LNPEP: variants seen among roughly 807,000 people sequenced by gnomAD.
LNPEP encodes leucyl-cystinyl aminopeptidase.
Under a neutral mutation model 120.6 loss-of-function variants are expected in LNPEP, and 64 were observed. That is an observed-to-expected ratio of 0.53 (90% confidence interval 0.43 to 0.65). The LOEUF (loss-of-function observed/expected upper bound fraction) is 0.65, where lower values mean the gene tolerates loss of function less well. LNPEP is among the 30% of genes least tolerant of loss of function. The pLI is 0.00. For synonymous variants in LNPEP, 435 were observed against 425.4 expected (o/e 1.02, Z -0.28); for missense variants, 1,057 against 1,200.0 (o/e 0.88, Z 1.76).
intron 4 of LNPEP, among the ~76,000 whole-genome samples, chr5:96,988,334 C>CTTTTTTTTTT (rs1293064236): frequency 8.7e-6 from 1 of 115,478 alleles, no homozygotes; most frequent in Non-Finnish European, 1.9e-5. Flanking sequence ...TTTTCTTTTT[C>CTTTTTTTTTT]TTTTCTTTTT....
chr5:96,972,746 A>T (rs973419712), intron 1 of LNPEP, among the ~76,000 whole-genome samples: 74 of 152,042 alleles, frequency 4.9e-4, no homozygotes, highest in African/African-American at 1.6e-3. Context: ...GAGGAATGAT[A>T]ATCTGGTACC....
chr5:96,974,108 A>G (rs774949337), intron 1 of LNPEP, among the ~76,000 whole-genome samples: 14 of 152,082 alleles, frequency 9.2e-5, no homozygotes, highest in Non-Finnish European at 1.9e-4. Flanking sequence ...AGTGCTGAAG[A>G]TGTTTTTTAG....
At chr5:96,999,028 A>G (rs1050916562) in intron 8 of LNPEP, among the ~76,000 whole-genome samples, 14 of 152,200 alleles carry the variant, frequency 9.2e-5, no homozygotes, top group African/African-American at 2.9e-4. Context: ...GTTTGACCAC[A>G]GTGGAAGCCA....
chr5:96,941,299 G>T (rs765641305), intron 1 of LNPEP, among the ~76,000 whole-genome samples: 2 of 152,134 alleles, frequency 1.3e-5, no homozygotes, highest in Non-Finnish European at 2.9e-5. Flanking sequence ...TCACTTGTTT[G>T]CCTGCTGCTC....
At chr5:96,976,331 A>T (rs1009754733) in intron 1 of LNPEP, among the ~76,000 whole-genome samples, 1 of 152,154 alleles carries the variant, frequency 6.6e-6, no homozygotes, top group Admixed American at 6.6e-5. Flanking sequence ...TTAAAATTCT[A>T]CGTTGGTATT....
At chr5:96,944,823 A>G (rs1271473387) in intron 1 of LNPEP, among the ~76,000 whole-genome samples, 2 of 151,638 alleles carry the variant, frequency 1.3e-5, no homozygotes, top group African/African-American at 2.4e-5. Flanking sequence ...CACCCACCTC[A>G]GCCTCCCAAA....
chr5:96,963,392 A>G lies in LNPEP; in HGVS notation c.20-15746A>G, dbSNP rs539514679. Among the ~76,000 whole-genome samples, 91 of 152,282 alleles carry G rather than the reference A, an allele frequency of 6.0e-4. 1 individual carries two copies. The highest frequency in any genetic ancestry group is 3.1e-3 in the East Asian group (16 of 5,184). On this transcript the variant is annotated intron_variant, in intron 1 of 17. Transcript: ENST00000231368. ...CGGGTGTTTCCTCTGCTGATCTTGC[A>G]TGAGGTCACTCTTGTAGCAGTCATC...
At chr5:96,985,549 A>G (rs972259064) in intron 3 of LNPEP, among the ~76,000 whole-genome samples, 1 of 152,172 alleles carries the variant, frequency 6.6e-6, no homozygotes, top group African/African-American at 2.4e-5. Flanking sequence ...TGAATTTGCT[A>G]TTCTAAACTG....
intron 4 of LNPEP, among the ~76,000 whole-genome samples, chr5:96,992,779 C>A (rs536717580): frequency 7.6e-5 from 1 of 13,198 alleles, no homozygotes; most frequent in Admixed American, 1.3e-3. Context: ...TAAAAAAAAG[C>A]GGGGCGGGGG....
chr5:96,993,169 T>C, intron 5 of LNPEP, 34 bp downstream of exon 5: 6 of 1,448,376 alleles, frequency 4.1e-6, no homozygotes, highest in Non-Finnish European at 5.6e-6. Context: ...ATTTTTGTTA[T>C]AATTAGAACC....
intron 8 of LNPEP, among the ~76,000 whole-genome samples, chr5:97,000,114 G>A (rs1427866668): frequency 1.3e-5 from 2 of 152,086 alleles, no homozygotes; most frequent in African/African-American, 4.8e-5. Context: ...GTATACAAAT[G>A]AATGAATAAG....
chr5:97,022,432 A>G lies in LNPEP; in HGVS notation c.2509A>G (p.Thr837Ala), dbSNP rs1219473102. 1.9e-6 allele frequency: 3 copies of G among 1,613,984 alleles called. No individual in the cohort carries two copies. The highest frequency in any genetic ancestry group is 1.3e-5 in the African/African-American group (1 of 74,906). Residue 837 changes from threonine to alanine, a missense_variant, in exon 14 of 18, where the codon ACT becomes GCT. Physicochemically the swap from Thr to Ala is moderately conservative, Grantham distance 58. Coordinates refer to ENST00000231368, the MANE Select transcript of LNPEP (RefSeq NM_005575.3). ...CACCCACAACCTGGGGAACTGCTCT[A>G]CTACTGCCATGAAACTGTTTGATGA... is the stretch of plus-strand genomic sequence containing the variant. Reference protein sequence around the residue: ...ACTHNLGNCSTTAMKLFDDWM... With the variant: ...ACTHNLGNCSATAMKLFDDWM...
rs760219188 is a variant in LNPEP at position 96,979,398 on chromosome 5, G to T, written c.280G>T (p.Gly94Cys). The T allele has an allele frequency of 1.1e-5, 18 of 1,614,072 alleles. No homozygotes were observed. The highest frequency in any genetic ancestry group is 1.5e-5 in the Non-Finnish European group (18 of 1,179,974). ...CTCAGGCCTTCGGAACAGTGCAACT[G>T]GTTACAGGCAGAGCCCAGATGGGGC... is the stretch of plus-strand genomic sequence containing the variant. ...RSSGLRNSAT[G>C]YRQSPDGACS... Residue 94 changes from glycine (G) to cysteine (C), a missense_variant, in exon 2 of 18, where the codon GGT becomes TGT. Physicochemically the swap from Gly to Cys is radical, Grantham distance 159. Transcript: ENST00000231368.
intron 4 of LNPEP, among the ~76,000 whole-genome samples, 156 bp downstream of exon 4, chr5:96,986,826 G>T (rs536114176): frequency 4.6e-5 from 7 of 152,160 alleles, no homozygotes; most frequent in Non-Finnish European, 4.4e-5. Flanking sequence ...TTGCTTAGCT[G>T]TTATTTACTG....
chr5:97,026,821 C>T (rs778016937), intron 16 of LNPEP, 64 bp downstream of exon 16: 28 of 1,420,206 alleles, frequency 2.0e-5, no homozygotes, highest in Non-Finnish European at 2.7e-5. Flanking sequence ...AAAAAGCTCC[C>T]AGTGTTTTGG....
intron 3 of LNPEP, among the ~76,000 whole-genome samples, chr5:96,986,248 T>C (rs1790240297): frequency 6.6e-6 from 1 of 152,160 alleles, no homozygotes; most frequent in African/African-American, 2.4e-5. Flanking sequence ...GGTGTTCTAA[T>C]GGGAGAAGCA....
At chr5:96,943,216 AGTT>A (rs1789101855) in intron 1 of LNPEP, 1 of 260,958 alleles carries the variant, frequency 3.8e-6, no homozygotes, top group Non-Finnish European at 6.8e-6. Flanking sequence ...AATGATTACC[AGTT>A]GTTTAAAAAA....
chr5:96,984,666 A>T (rs1790200701), intron 2 of LNPEP, among the ~76,000 whole-genome samples: 1 of 152,218 alleles, frequency 6.6e-6, no homozygotes, highest in African/African-American at 2.4e-5. Flanking sequence ...ATTTAACTTA[A>T]CCACTCAGCC....
At chr5:97,013,211 C>A (rs1331659341) in intron 11 of LNPEP, among the ~76,000 whole-genome samples, 1 of 152,150 alleles carries the variant, frequency 6.6e-6, no homozygotes, top group Non-Finnish European at 1.5e-5. Context: ...ATTTTGAGGT[C>A]TCTTAGAAGA....
Sources: allele counts gnomAD v4.1 joint callset (sites outside exome capture counted in the v4.1 genomes callset), GRCh38; gene constraint gnomAD v4.1.1; transcripts MANE v1.5; gene names NCBI Gene and HGNC (gene_info 2026-07-23, HGNC 2026-07-21).